DMBX1: variants seen among roughly 807,000 people sequenced by gnomAD.
The protein encoded by DMBX1 is diencephalon/mesencephalon homeobox 1, also known as diencephalon/mesencephalon homeobox protein 1.
Under a neutral mutation model 30.4 loss-of-function variants are expected in DMBX1, and 7 were observed. The observed-to-expected ratio is 0.23, with a 90% CI of 0.13 to 0.43. The LOEUF (loss-of-function observed/expected upper bound fraction) is 0.43. Ranked by LOEUF, DMBX1 falls within the 20% of genes least tolerant of loss-of-function variation. The pLI is 1.00. For missense variants in DMBX1, 460 were observed against 508.5 expected (o/e 0.90, Z 0.92); for synonymous variants, 222 against 214.2 (o/e 1.04, Z -0.32).
At chr1:46,506,128 G>C (rs1180316597) in intron 2 of DMBX1, among the ~76,000 whole-genome samples, 1 of 152,092 alleles carries the variant, frequency 6.6e-6, no homozygotes, top group Non-Finnish European at 1.5e-5. Context: ...TGCAATCTCG[G>C]CTCACTGCAA....
rs1666424690 is a variant in DMBX1 at position 46,513,352 on chromosome 1, G to A, written c.*858G>A. 6.6e-6 allele frequency: 1 copy of A among 152,196 alleles called. No individual in the cohort carries two copies. The highest frequency in any genetic ancestry group is 2.4e-5 in the African/African-American group (1 of 41,436). The allele number at this position is 152,196 out of a possible 1,614,324, so 9.4% of individuals were successfully genotyped here. A position where few individuals can be genotyped will look rare whatever the true frequency, so the allele number is the denominator to read the frequency against. On this transcript the variant is annotated 3_prime_UTR_variant, in exon 6 of 6. Coordinates refer to ENST00000360032, the MANE Select transcript of DMBX1 (RefSeq NM_172225.2). ...TAGCTGGAGACTCTGGGGATCTGGA[G>A]CTGCAGGCAGGAGGTGGCACTGGCT...
chr1:46,500,319 C>T lies in DMBX1; in HGVS notation c.-12-6680C>T, dbSNP rs767830384. Among the ~76,000 whole-genome samples, 6 of 151,570 alleles carry T rather than the reference C, an allele frequency of 4.0e-5. No homozygotes were observed. In the East Asian group the frequency reaches 5.9e-4, roughly 15 times the overall value. On this transcript the variant is annotated intron_variant, in intron 2 of 5. Coordinates refer to ENST00000360032, the MANE Select transcript of DMBX1 (RefSeq NM_172225.2). ...TGTGCATCAAAAACTGTGAGATCAG[C>T]GATAATTAAGTCAATTAAAATGTCA...
intron 3 of DMBX1, among the ~76,000 whole-genome samples, chr1:46,508,738 G>A (rs1666288920): frequency 6.6e-6 from 1 of 152,188 alleles, no homozygotes; most frequent in African/African-American, 2.4e-5. Flanking sequence ...GCCTTTGTAT[G>A]GAGGCCTTGC....
Position 46,491,042 on chromosome 1 carries a change from C to T in DMBX1, c.-13+259C>T, listed in dbSNP as rs1665919634. On this transcript the variant is annotated intron_variant, in intron 2 of 5. Transcript: ENST00000360032. The surrounding 1 kb of genome is among the most constrained non-coding windows in gnomAD (Gnocchi z 5.5). ...AGGCCAGGGGCCCTGATGGACTGTG[C>T]AGGGTCCCGGGCACCACCGGCTGAA... Among the ~76,000 whole-genome samples the T allele has an allele frequency of 1.3e-5, 2 of 152,328 alleles. No individual in the cohort carries two copies. Among genetic ancestry groups the T allele is most frequent in the South Asian group, 4.1e-4 (2 of 4,824 alleles).
chr1:46,509,668 A>G (rs762839558), intron 3 of DMBX1, among the ~76,000 whole-genome samples: 1 of 152,122 alleles, frequency 6.6e-6, no homozygotes, highest in Non-Finnish European at 1.5e-5. Flanking sequence ...TGTGGAATCA[A>G]TGGTCCATAG....
rs1666349813 is a variant in DMBX1 at position 46,510,722 on chromosome 1, A to G, written c.333+68A>G. 1.9e-6 allele frequency: 3 copies of G among 1,541,782 alleles called. No individual in the cohort carries two copies. Among genetic ancestry groups the G allele is most frequent in the Admixed American group, 3.7e-5 (2 of 53,356 alleles). On this transcript the variant is annotated intron_variant, in intron 4 of 5. Transcript: ENST00000360032. The surrounding 1 kb of genome is among the most constrained non-coding windows in gnomAD (Gnocchi z 4.1). The stretch of plus-strand genomic sequence containing the variant: ...AGCCCATCAGTCTGCCCGCTTGTCC[A>G]GGAGCCAGCATGTCATCCCTGTGCC...
In DMBX1 at chr1:46,491,894, A is replaced by G. The variant is rs556199501; in HGVS notation, c.-13+1111A>G. ...GTTTATGTGTGTCTAGGTGTTCAGAAAAAAATCGAATTTGCTGCCTAGTGA... is the reference window on the plus strand; with the variant it reads ...GTTTATGTGTGTCTAGGTGTTCAGAGAAAAATCGAATTTGCTGCCTAGTGA... On this transcript the variant is annotated intron_variant, in intron 2 of 5. Transcript: ENST00000360032. The surrounding 1 kb of genome is among the most constrained non-coding windows in gnomAD (Gnocchi z 5.5). Among the ~76,000 whole-genome samples, 2 of 152,218 alleles carry G rather than the reference A, an allele frequency of 1.3e-5. No homozygotes were observed. Among genetic ancestry groups the G allele is most frequent in the Non-Finnish European group, 2.9e-5 (2 of 68,036 alleles).
Position 46,495,629 on chromosome 1 carries a change from T to G in DMBX1, c.-13+4846T>G, listed in dbSNP as rs561400165. Reference sequence around the variant, plus strand: ...ACTACAATTTGGTAAGGATAGGAATTTAAAGAAGTCACCGGACCCAACTGG... The same window carrying G: ...ACTACAATTTGGTAAGGATAGGAATGTAAAGAAGTCACCGGACCCAACTGG... On this transcript the variant is annotated intron_variant, in intron 2 of 5. Coordinates refer to ENST00000360032, the MANE Select transcript of DMBX1 (RefSeq NM_172225.2). 6.1e-4 allele frequency among the ~76,000 whole-genome samples: 93 copies of G among 152,280 alleles called. 2 individuals are homozygous for G. In the South Asian group the frequency reaches 0.018, roughly 30 times the overall value.
rs1162789844 is a variant in DMBX1 at position 46,514,945 on chromosome 1, C to T, written c.*2451C>T. ...AGCAGCAGAGATGAGACTCAGTAGA[C>T]CATGGGAAGGGGGTGGCTGGCTTCA... On this transcript the variant is annotated 3_prime_UTR_variant, in exon 6 of 6. Transcript: ENST00000360032. Among the ~76,000 whole-genome samples the T allele has an allele frequency of 6.6e-6, 1 of 152,074 alleles. No individual in the cohort carries two copies. The highest frequency in any genetic ancestry group is 1.9e-4 in the East Asian group (1 of 5,192).
intron 2 of DMBX1, among the ~76,000 whole-genome samples, chr1:46,505,313 C>A (rs200424051): frequency 6.8e-6 from 1 of 146,170 alleles, no homozygotes; most frequent in African/African-American, 2.5e-5. Flanking sequence ...ATGTTTACTG[C>A]GGCATTATTC....
chr1:46,490,753 G>GA lies in DMBX1; in HGVS notation c.-41dup. On this transcript the variant is annotated 5_prime_UTR_variant, in exon 2 of 6. Coordinates refer to ENST00000360032, the MANE Select transcript of DMBX1 (RefSeq NM_172225.2). Reference sequence around the variant, plus strand: ...CGGCGCTCAGCCAGCCTCTGCCCTCGAAGACGCGGCCTTGGTCTAGGAACC... The same window carrying GA: ...CGGCGCTCAGCCAGCCTCTGCCCTCGAAAGACGCGGCCTTGGTCTAGGAACC... 6.6e-6 allele frequency among the ~76,000 whole-genome samples: 1 copy of GA among 152,374 alleles called. No homozygotes were observed. The highest frequency in any genetic ancestry group is 1.9e-4 in the East Asian group (1 of 5,184).
chr1:46,514,509 C>A lies in DMBX1; in HGVS notation c.*2015C>A, dbSNP rs1342161776. Among the ~76,000 whole-genome samples, 1 of 152,172 alleles carries A rather than the reference C, an allele frequency of 6.6e-6. No individual in the cohort carries two copies. The highest frequency in any genetic ancestry group is 2.4e-5 in the African/African-American group (1 of 41,434). ...GTTTCCCCATAGGCATAATGGGTCC[C>A]TTCTAGTTCAGGCAATCTGGATTTG... On this transcript the variant is annotated 3_prime_UTR_variant, in exon 6 of 6. Transcript: ENST00000360032.
rs12567650 is a variant in DMBX1, at chr1:46,509,227, C to A, written c.155-1249C>A. 0.018 allele frequency among the ~76,000 whole-genome samples: 2,754 copies of A among 152,242 alleles called. 201 individuals are homozygous for A. The East Asian group carries it at 0.23, about 13-fold the overall frequency. On this transcript the variant is annotated intron_variant, in intron 3 of 5. Coordinates refer to ENST00000360032, the MANE Select transcript of DMBX1 (RefSeq NM_172225.2). Reference sequence around the variant, plus strand: ...AGCTGGGATTACAGGGGCCCACCACCACGCTCAGCTAATTTTTTGTATTTT... The same window carrying A: ...AGCTGGGATTACAGGGGCCCACCACAACGCTCAGCTAATTTTTTGTATTTT...
chr1:46,496,189 G>A (rs948062486), intron 2 of DMBX1, among the ~76,000 whole-genome samples: 2 of 152,262 alleles, frequency 1.3e-5, no homozygotes, highest in African/African-American at 4.8e-5. Flanking sequence ...TGGGGCTCTT[G>A]GAGGAGCCCC....
chr1:46,511,000 C>G lies in DMBX1; in HGVS notation c.399C>G (p.Leu133=). ...AGCGTAGCCTGCAGAAGGAACAGCT[C>G]CAGAAGCAGAAGGAGGCTGAGGGCT... ...KKQRSLQKEQ[L]QKQKEAEGSH... is the part of the protein sequence containing the mutation. Residue 133 remains leucine, a synonymous_variant, in exon 5 of 6, where the codon CTC becomes CTG. Coordinates refer to ENST00000360032, the MANE Select transcript of DMBX1 (RefSeq NM_172225.2). The surrounding 1 kb of genome is among the most constrained non-coding windows in gnomAD (Gnocchi z 4.1). The G allele has an allele frequency of 6.2e-7, 1 of 1,613,942 alleles. No homozygotes were observed. The highest frequency in any genetic ancestry group is 2.2e-5 in the East Asian group (1 of 44,874).
At position 46,491,487 on chromosome 1, in the gene DMBX1, T is replaced by C. The variant is rs960866622; in HGVS notation, c.-13+704T>C. ...TAAGGGCGCCTCCAGTTTGAGGGCG[T>C]TGGGGAAAGAGGAGGGCTTTATTGA... On this transcript the variant is annotated intron_variant, in intron 2 of 5. Transcript: ENST00000360032. This position sits in a 1 kb window ranked among gnomAD's most constrained non-coding sequence, Gnocchi z 5.5. 6.6e-6 allele frequency among the ~76,000 whole-genome samples: 1 copy of C among 152,054 alleles called. No homozygotes were observed. Among genetic ancestry groups the C allele is most frequent in the Admixed American group, 6.6e-5 (1 of 15,266 alleles).
chr1:46,506,428 C>T (rs953241866), intron 2 of DMBX1, among the ~76,000 whole-genome samples: 3 of 152,292 alleles, frequency 2.0e-5, no homozygotes, highest in South Asian at 4.1e-4. Flanking sequence ...CCAAGTGGGC[C>T]TCAATGGATA....
Position 46,503,956 on chromosome 1 carries a change from G to A in DMBX1, c.-12-3043G>A, listed in dbSNP as rs1308117609. ...GCAGCCTCTTGTTGAGGCTGGAGCC[G>A]TCTCAGTAGGATGGATGTCTTCTCT... On this transcript the variant is annotated intron_variant, in intron 2 of 5. Coordinates refer to ENST00000360032, the MANE Select transcript of DMBX1 (RefSeq NM_172225.2). 4.6e-5 allele frequency among the ~76,000 whole-genome samples: 7 copies of A among 152,228 alleles called. 1 individual carries two copies. The highest frequency in any genetic ancestry group is 1.3e-4 in the Admixed American group (2 of 15,286).
At chr1:46,509,394 A>C (rs1427681180) in intron 3 of DMBX1, among the ~76,000 whole-genome samples, 1 of 152,084 alleles carries the variant, frequency 6.6e-6, no homozygotes, top group Non-Finnish European at 1.5e-5. Context: ...GCTGTGGATG[A>C]CTTCCCATTC....
Sources: gnomAD v4.1 joint callset for allele counts (sites outside exome capture counted in the v4.1 genomes callset) on GRCh38, gnomAD v4.1.1 for gene constraint, Gnocchi (gnomAD v3.1) non-coding constraint, MANE v1.5 for transcripts, NCBI Gene and HGNC (gene_info 2026-07-23, HGNC 2026-07-21) for gene names.